The following PPP3CC variants were observed in gnomAD, a reference collection of about 807,000 sequenced individuals.
PPP3CC encodes the protein serine/threonine-protein phosphatase 2B catalytic subunit gamma isoform.
Under a neutral mutation model 60.3 loss-of-function variants are expected in PPP3CC, and 35 were observed. The observed-to-expected ratio is 0.58, with a 90% confidence interval of 0.44 to 0.77. PPP3CC has a LOEUF of 0.77. Among genes scored for constraint, PPP3CC ranks in the 30% least tolerant of loss-of-function variants. PPP3CC has a pLI of 0.00. For synonymous variants in PPP3CC, 206 were observed against 224.3 expected (o/e 0.92, Z 0.73); for missense variants, 570 against 628.9 (o/e 0.91, Z 1.00).
At chr8:22,454,199 C>T (rs895451844) in intron 1 of PPP3CC, among the ~76,000 whole-genome samples, 4 of 152,084 alleles carry the variant, frequency 2.6e-5, no homozygotes, top group Non-Finnish European at 5.9e-5. Flanking sequence ...TAAGCTTTTA[C>T]GATTTCAAAC....
chr8:22,461,296 A>G (rs1395329172), intron 1 of PPP3CC, among the ~76,000 whole-genome samples: 1 of 152,196 alleles, frequency 6.6e-6, no homozygotes, highest in Non-Finnish European at 1.5e-5. Context: ...TTAGATATGA[A>G]GCTAATTACC....
At chr8:22,538,505 A>T (rs924453137) in intron 12 of PPP3CC, among the ~76,000 whole-genome samples, 1 of 152,192 alleles carries the variant, frequency 6.6e-6, no homozygotes, top group East Asian at 1.9e-4. Flanking sequence ...TTCTCTTCTC[A>T]TATTGATATA....
At chr8:22,451,758 A>G (rs996348518) in intron 1 of PPP3CC, among the ~76,000 whole-genome samples, 2 of 152,244 alleles carry the variant, frequency 1.3e-5, no homozygotes, top group African/African-American at 4.8e-5. Context: ...AGTGTACGCA[A>G]ATTTATTTTG....
rs61099426 is a variant in PPP3CC, at chr8:22,459,774, A to G, written c.50-15180A>G. On this transcript the variant is annotated intron_variant, in intron 1 of 13. Transcript: ENST00000240139. Reference sequence around the variant, plus strand: ...CCCCAATGTAATGGTATTAGGAGGTATGGTCTTGGGGAGGTGAAGTTTTTA... The same window carrying G: ...CCCCAATGTAATGGTATTAGGAGGTGTGGTCTTGGGGAGGTGAAGTTTTTA... 1.7e-3 allele frequency among the ~76,000 whole-genome samples: 252 copies of G among 152,292 alleles called. 2 individuals carry two copies. The East Asian group carries it at 0.046, about 28-fold the overall frequency.
At chr8:22,540,012 T>G (rs1017169953) in intron 13 of PPP3CC, among the ~76,000 whole-genome samples, 2 of 152,248 alleles carry the variant, frequency 1.3e-5, no homozygotes, top group Admixed American at 6.5e-5. Flanking sequence ...TGTAATTGTT[T>G]TATTAGGTAA....
intron 12 of PPP3CC, among the ~76,000 whole-genome samples, chr8:22,538,836 C>T (rs1839899659): frequency 1.3e-5 from 2 of 152,200 alleles, no homozygotes; most frequent in African/African-American, 4.8e-5. Context: ...ATTTTTATAG[C>T]AGATGGGTAC....
chr8:22,534,539 G>A (rs1362115188), intron 12 of PPP3CC, among the ~76,000 whole-genome samples: 6 of 152,190 alleles, frequency 3.9e-5, no homozygotes, highest in African/African-American at 1.4e-4. Flanking sequence ...AAACTACTGG[G>A]CAGTAAAGCT....
At chr8:22,520,908 A>G (rs1346019350) in intron 6 of PPP3CC, among the ~76,000 whole-genome samples, 1 of 152,166 alleles carries the variant, frequency 6.6e-6, no homozygotes, top group African/African-American at 2.4e-5. Context: ...TATGCATTTG[A>G]AGGAGCAGGG....
chr8:22,531,250 C>G (rs1240982793), intron 10 of PPP3CC: 1 of 1,463,836 alleles, frequency 6.8e-7, no homozygotes, highest in Non-Finnish European at 9.2e-7. Context: ...AATTTCTCTT[C>G]TCATATTTCT....
At chr8:22,500,341 T>C (rs888893443) in intron 4 of PPP3CC, among the ~76,000 whole-genome samples, 4 of 152,134 alleles carry the variant, frequency 2.6e-5, no homozygotes, top group African/African-American at 9.7e-5. Flanking sequence ...TTTTAACGAA[T>C]CCTGAATATA....
chr8:22,495,208 T>C, intron 3 of PPP3CC, among the ~76,000 whole-genome samples: 1 of 152,180 alleles, frequency 6.6e-6, no homozygotes, highest in South Asian at 2.1e-4. Flanking sequence ...CTTGGCCTCC[T>C]AAAGCACTGG....
chr8:22,492,725 G>C, intron 3 of PPP3CC: 1 of 998,646 alleles, frequency 1.0e-6, no homozygotes, highest in Admixed American at 1.7e-5. Flanking sequence ...TCATAGAACA[G>C]CCACAGCAGA....
chr8:22,521,364 A>G (rs78973179), intron 6 of PPP3CC, among the ~76,000 whole-genome samples: 29 of 152,300 alleles, frequency 1.9e-4, no homozygotes, highest in African/African-American at 7.0e-4. Context: ...GTTCCTTCCC[A>G]GGATGGATGA....
intron 1 of PPP3CC, among the ~76,000 whole-genome samples, chr8:22,474,696 C>T (rs1837833904): frequency 6.6e-6 from 1 of 151,970 alleles, no homozygotes; most frequent in African/African-American, 2.4e-5. Context: ...CAGAGCAAGC[C>T]TCCATCTCAA....
At chr8:22,456,823 A>T (rs1335165010) in intron 1 of PPP3CC, among the ~76,000 whole-genome samples, 2 of 152,164 alleles carry the variant, frequency 1.3e-5, no homozygotes, top group African/African-American at 4.8e-5. Context: ...ACCTGGTTTG[A>T]TTAAGGTTTT....
At chr8:22,527,674 CA>C in intron 9 of PPP3CC, 157 bp downstream of exon 9, 2 of 897,342 alleles carry the variant, frequency 2.2e-6, no homozygotes, top group Non-Finnish European at 3.2e-6. Context: ...CTCGCTCTGT[CA>C]CCCAGGCTGG....
intron 1 of PPP3CC, among the ~76,000 whole-genome samples, chr8:22,459,455 ATG>A (rs56870564): frequency 1.9e-4 from 29 of 150,196 alleles, no homozygotes; most frequent in South Asian, 4.2e-4. Context: ...TCACTTTGTT[ATG>A]TGTGTGTGTG....
chr8:22,486,650 G>A (rs992115417), intron 3 of PPP3CC, among the ~76,000 whole-genome samples: 1 of 152,014 alleles, frequency 6.6e-6, no homozygotes, highest in African/African-American at 2.4e-5. Flanking sequence ...AGGTACAGAG[G>A]GCTTGGTTTC....
At chr8:22,494,043 G>A (rs1838488394) in intron 3 of PPP3CC, among the ~76,000 whole-genome samples, 1 of 152,044 alleles carries the variant, frequency 6.6e-6, no homozygotes. Flanking sequence ...TTAATTTTAT[G>A]GGACCATTGT....
Sources: allele counts gnomAD v4.1 joint callset (sites outside exome capture counted in the v4.1 genomes callset), GRCh38; gene constraint gnomAD v4.1.1; transcripts MANE v1.5; gene names NCBI Gene and HGNC (gene_info 2026-07-23, HGNC 2026-07-21).